Variants in C10orf90 observed in about 807,000 individuals in gnomAD.
C10orf90 encodes the protein (E2-independent) E3 ubiquitin-conjugating enzyme FATS.
C10orf90 carries 56 observed loss-of-function variants against 62.5 expected under a neutral mutation model. The observed-to-expected ratio is 0.90, with a 90% CI of 0.72 to 1.12. C10orf90 has a LOEUF of 1.12. C10orf90 is among the 50% of genes most tolerant of loss of function. The pLI, the probability that C10orf90 is intolerant of heterozygous loss-of-function variation, is 0.00. For missense variants in C10orf90, 970 were observed against 880.4 expected (o/e 1.10, Z -1.29); for synonymous variants, 386 against 340.4 (o/e 1.13, Z -1.47).
At chr10:126,479,061 G>T (rs1861041856) in intron 4 of C10orf90, among the ~76,000 whole-genome samples, 1 of 152,212 alleles carries the variant, frequency 6.6e-6, no homozygotes, top group Non-Finnish European at 1.5e-5. Flanking sequence ...GAATGGGGCT[G>T]AGAAGCATAT....
intron 2 of C10orf90, among the ~76,000 whole-genome samples, chr10:126,544,971 A>G (rs1864457693): frequency 6.6e-6 from 1 of 152,200 alleles, no homozygotes; most frequent in African/African-American, 2.4e-5. Flanking sequence ...TGTGGACAAA[A>G]CGATTTTTAA....
chr10:126,586,489 G>T (rs1307151379), intron 2 of C10orf90, among the ~76,000 whole-genome samples: 1 of 152,158 alleles, frequency 6.6e-6, no homozygotes, highest in Non-Finnish European at 1.5e-5. Context: ...AGGTTCATGT[G>T]GCTGTTCTCA....
chr10:126,504,176 T>C lies in C10orf90; in HGVS notation c.1315A>G (p.Ser439Gly), dbSNP rs1862569418. The change falls in exon 4 of 10, where the codon AGT (serine) becomes GGT (glycine). Residue 439 changes from serine to glycine, a missense_variant. Coordinates refer to ENST00000488181, the MANE Select transcript of C10orf90 (RefSeq NM_001350921.2). The surrounding 1 kb of genome is among the most constrained non-coding windows in gnomAD (Gnocchi z 4.1). ...GQRWNPGLQE[S>G]HLKETPSLRR... Reference sequence around the variant, plus strand: ...AACGATGGGGTTTCCTTCAAGTGACTTTCTTGTAAACCTGGGTTCCAGCGC... The same window carrying C: ...AACGATGGGGTTTCCTTCAAGTGACCTTCTTGTAAACCTGGGTTCCAGCGC... The C allele has an allele frequency of 7.4e-6, 12 of 1,614,020 alleles. No individual in the cohort carries two copies. Among genetic ancestry groups the C allele is most frequent in the Non-Finnish European group, 1.0e-5 (12 of 1,180,026 alleles).
chr10:126,530,859 G>A (rs1340701316), intron 2 of C10orf90, among the ~76,000 whole-genome samples: 1 of 152,084 alleles, frequency 6.6e-6, no homozygotes, highest in East Asian at 1.9e-4. Context: ...GCAAAAGAGA[G>A]AGGGAGAAAG....
intron 7 of C10orf90, among the ~76,000 whole-genome samples, chr10:126,436,616 T>A (rs144100451): frequency 5.3e-5 from 8 of 152,314 alleles, no homozygotes; most frequent in African/African-American, 1.7e-4. Context: ...CTACTTGTGC[T>A]AAGATTTGGT....
chr10:126,459,588 G>A (rs534792844), intron 6 of C10orf90, among the ~76,000 whole-genome samples: 2 of 152,170 alleles, frequency 1.3e-5, no homozygotes, highest in Non-Finnish European at 2.9e-5. Flanking sequence ...AAGAGACATG[G>A]GAGTGGAGGG....
chr10:126,563,746 C>G (rs1208686202), intron 2 of C10orf90, among the ~76,000 whole-genome samples: 2 of 152,198 alleles, frequency 1.3e-5, no homozygotes, highest in African/African-American at 4.8e-5. Context: ...CACTGTGAAA[C>G]TATTTGGTCC....
At chr10:126,521,485 G>A in intron 2 of C10orf90, 6 of 1,448,650 alleles carry the variant, frequency 4.1e-6, no homozygotes, top group Non-Finnish European at 5.4e-6. Context: ...GAACCTCAAA[G>A]CTCTATATGT....
rs138061652 is a variant in C10orf90 at position 126,524,980 on chromosome 10, T to A, written c.314-11041A>T. Among the ~76,000 whole-genome samples, 592 of 152,346 alleles carry A rather than the reference T, an allele frequency of 3.9e-3. 1 individual carries two copies. The highest frequency in any genetic ancestry group is 6.9e-3 in the Non-Finnish European group (471 of 68,030). On this transcript the variant is annotated intron_variant, in intron 2 of 9. Transcript: ENST00000488181. ...GTGGTTTGATTTCAGAGGGGACCATTTCTGCCCTTGCAGGTGGGTGGCAGA... is the reference window on the plus strand; with the variant it reads ...GTGGTTTGATTTCAGAGGGGACCATATCTGCCCTTGCAGGTGGGTGGCAGA...
chr10:126,670,371 A>C lies in C10orf90; in HGVS notation c.110T>G (p.Leu37Trp). 2.2e-6 allele frequency: 1 copy of C among 456,722 alleles called. No homozygotes were observed. The highest frequency in any genetic ancestry group is 3.3e-4 in the Middle Eastern group (1 of 3,076). 28.3% of individuals were successfully genotyped at this position (456,722 alleles called of 1,614,324 possible). Residue 37 changes from leucine (L) to tryptophan (W), a missense_variant, in exon 1 of 10, where the codon TTG (leucine) becomes TGG (tryptophan). Physicochemically the swap from Leu to Trp is moderately conservative, Grantham distance 61. Coordinates refer to ENST00000488181, the MANE Select transcript of C10orf90 (RefSeq NM_001350921.2). ...TFQIKTFSTE[L>W]KNHVMVMDFV... ...ATCCATGACCATCACATGGTTTTTC[A>C]ACTCTGTACTAAATGTTTTTATCTG...
chr10:126,581,312 G>A (rs1473499833), intron 2 of C10orf90, among the ~76,000 whole-genome samples: 1 of 152,206 alleles, frequency 6.6e-6, no homozygotes, highest in Non-Finnish European at 1.5e-5. Flanking sequence ...CAGCAGTGTT[G>A]CACCAGGGAG....
intron 3 of C10orf90, among the ~76,000 whole-genome samples, chr10:126,510,758 T>C (rs977042052): frequency 2.0e-5 from 3 of 152,260 alleles, no homozygotes; most frequent in African/African-American, 4.8e-5. Flanking sequence ...CATAGTTTTA[T>C]GCTTTTATTG....
chr10:126,565,426 T>A (rs1375641829), intron 2 of C10orf90, among the ~76,000 whole-genome samples: 4 of 57,208 alleles, frequency 7.0e-5, no homozygotes, highest in South Asian at 3.9e-4. Flanking sequence ...TTATATATAT[T>A]ATATATATTA....
intron 7 of C10orf90, among the ~76,000 whole-genome samples, chr10:126,439,154 C>T (rs116218320): frequency 0.01 from 1,593 of 152,226 alleles, 26 homozygotes; most frequent in African/African-American, 0.035. Context: ...CCCTAAGAAC[C>T]CTTGCTGCTG....
intron 3 of C10orf90, among the ~76,000 whole-genome samples, chr10:126,506,697 C>T (rs976125251): frequency 6.6e-6 from 1 of 152,190 alleles, no homozygotes; most frequent in Non-Finnish European, 1.5e-5. Context: ...GAAACACAGA[C>T]AAGTCATGAG....
At chr10:126,566,579 G>C (rs1280067353) in intron 2 of C10orf90, among the ~76,000 whole-genome samples, 1 of 152,202 alleles carries the variant, frequency 6.6e-6, no homozygotes, top group African/African-American at 2.4e-5. Flanking sequence ...CCGGCAAAGA[G>C]AAGGCAAAGG....
intron 2 of C10orf90, among the ~76,000 whole-genome samples, chr10:126,547,349 G>A (rs1292974261): frequency 6.6e-6 from 1 of 151,832 alleles, no homozygotes; most frequent in Non-Finnish European, 1.5e-5. Context: ...AACCCGGGAG[G>A]CGGAGCTTGC....
chr10:126,518,259 ACATACTGACCTG>A (rs1863550872), intron 2 of C10orf90, among the ~76,000 whole-genome samples: 1 of 152,182 alleles, frequency 6.6e-6, no homozygotes, highest in Non-Finnish European at 1.5e-5. Context: ...CTTGTGTCTC[ACATACTGACCTG>A]CAGACCTAGC....
Position 126,653,545 on chromosome 10 carries a change from A to G in C10orf90, c.241-6908T>C, listed in dbSNP as rs372335870. The stretch of plus-strand genomic sequence containing the variant: ...CATCTTCAGGCTCCACTTCTAATTC[A>G]AGATCTCTTGCTATTTCTACAACAT... On this transcript the variant is annotated intron_variant, in intron 1 of 9. Coordinates refer to ENST00000488181, the MANE Select transcript of C10orf90 (RefSeq NM_001350921.2). Among the ~76,000 whole-genome samples the G allele has an allele frequency of 8.0e-4, 122 of 152,324 alleles. 3 individuals carry two copies. In the South Asian group the frequency reaches 0.025, roughly 31 times the overall value.
Sources: allele counts gnomAD v4.1 joint callset (sites outside exome capture counted in the v4.1 genomes callset), GRCh38; gene constraint gnomAD v4.1.1; non-coding constraint Gnocchi (gnomAD v3.1); transcripts MANE v1.5; gene names NCBI Gene and HGNC (gene_info 2026-07-23, HGNC 2026-07-21).